WIPI2: variants seen among roughly 807,000 people sequenced by gnomAD.
WIPI2 encodes WD repeat domain, phosphoinositide interacting 2.
Under a neutral mutation model 52.3 loss-of-function variants are expected in WIPI2, and 28 were observed. The observed-to-expected ratio is 0.54, with a 90% CI of 0.40 to 0.73. WIPI2 has a LOEUF of 0.73. Ranked by LOEUF, WIPI2 falls within the 30% of genes least tolerant of loss-of-function variation. The pLI, the probability that WIPI2 is intolerant of heterozygous loss-of-function variation, is 0.00. For missense variants in WIPI2, 506 were observed against 602.9 expected, an observed-to-expected ratio of 0.84 and a Z score of 1.68; for synonymous variants, 268 against 245.0, an observed-to-expected ratio of 1.09 and a Z score of -0.88.
chr7:5,201,560 A>G (rs1782028145), intron 3 of WIPI2, among the ~76,000 whole-genome samples: 1 of 152,228 alleles, frequency 6.6e-6, no homozygotes, highest in African/African-American at 2.4e-5. Flanking sequence ...CCTGGCCAAC[A>G]TGGCAAAACC....
At chr7:5,212,977 C>T (rs1310127606) in intron 3 of WIPI2, 1 of 152,188 alleles carries the variant, frequency 6.6e-6, no homozygotes, top group Non-Finnish European at 1.5e-5. Flanking sequence ...GGTTATGCAC[C>T]ATCTCTTCTG....
intron 7 of WIPI2, among the ~76,000 whole-genome samples, chr7:5,219,451 AG>A (rs1160741063): frequency 4.5e-4 from 10 of 22,310 alleles, no homozygotes; most frequent in African/African-American, 1.7e-3. Flanking sequence ...CCATAAAAAT[AG>A]ATTTTTTTTT....
At chr7:5,219,052 G>A (rs906499295) in intron 7 of WIPI2, 3 of 152,270 alleles carry the variant, frequency 2.0e-5, no homozygotes, top group Admixed American at 6.5e-5. Context: ...CTGGGCCTTT[G>A]TTCTTCAGTC....
chr7:5,194,745 C>T (rs757048476), intron 2 of WIPI2, among the ~76,000 whole-genome samples: 8 of 152,100 alleles, frequency 5.3e-5, no homozygotes, highest in South Asian at 2.1e-4. Context: ...AGATTGCAGA[C>T]GCAAGCCACC....
intron 1 of WIPI2, chr7:5,190,860 C>G: frequency 5.5e-6 from 1 of 182,126 alleles, no homozygotes; most frequent in Non-Finnish European, 1.1e-5. Flanking sequence ...GTCGCTTCCT[C>G]TCCTCTCGTC....
At chr7:5,191,962 G>A (rs1468875996) in intron 1 of WIPI2, among the ~76,000 whole-genome samples, 3 of 152,106 alleles carry the variant, frequency 2.0e-5, no homozygotes, top group Non-Finnish European at 2.9e-5. Context: ...AAGCTGGTCT[G>A]GGTTTTGGAA....
chr7:5,208,484 T>A (rs1782399577), intron 3 of WIPI2, among the ~76,000 whole-genome samples: 1 of 151,978 alleles, frequency 6.6e-6, no homozygotes, highest in Admixed American at 6.6e-5. Flanking sequence ...AACTTTTGCC[T>A]ACCCTGTAGT....
chr7:5,231,995 A>G lies in WIPI2; in HGVS notation c.*1048A>G. On this transcript the variant is annotated 3_prime_UTR_variant, in exon 13 of 13. Transcript: ENST00000288828. ...AATTTCCTCAGCAAACCGATGAGAG[A>G]TTGTGGTTGCAAGCTTCAGTATTTG... The G allele has an allele frequency of 7.6e-6, 3 of 393,398 alleles. No individual in the cohort carries two copies. Among genetic ancestry groups the G allele is most frequent in the Non-Finnish European group, 1.3e-5 (3 of 224,304 alleles). 24.4% of individuals were successfully genotyped at this position (393,398 alleles called of 1,614,324 possible). A position where few individuals can be genotyped will look rare whatever the true frequency, so the allele number is the denominator to read the frequency against.
intron 5 of WIPI2, 67 bp downstream of exon 5, chr7:5,216,726 A>G (rs1782834334): frequency 1.3e-6 from 2 of 1,495,430 alleles, no homozygotes; most frequent in Non-Finnish European, 1.8e-6. Context: ...GCTATAGGTG[A>G]GAGAGATTTT....
intron 3 of WIPI2, among the ~76,000 whole-genome samples, chr7:5,213,589 C>T (rs1038152764): frequency 1.1e-4 from 17 of 152,236 alleles, no homozygotes; most frequent in Non-Finnish European, 2.4e-4. Flanking sequence ...CCACAGCATA[C>T]AGCCTAGGGG....
At chr7:5,216,199 G>GC (rs1782802771) in intron 4 of WIPI2, 1 of 148,282 alleles carries the variant, frequency 6.7e-6, no homozygotes, top group South Asian at 1.5e-4. Context: ...TGAAGCCAAC[G>GC]CAGGGGTGGA....
intron 8 of WIPI2, among the ~76,000 whole-genome samples, chr7:5,225,286 ACCCG>A (rs1783371932): frequency 2.6e-5 from 4 of 151,780 alleles, no homozygotes; most frequent in Non-Finnish European, 5.9e-5. Flanking sequence ...GACTACAGGC[ACCCG>A]CCACCACGCC....
intron 8 of WIPI2, among the ~76,000 whole-genome samples, chr7:5,224,466 T>C (rs1335056225): frequency 6.6e-6 from 1 of 152,208 alleles, no homozygotes; most frequent in Non-Finnish European, 1.5e-5. Flanking sequence ...AGATGGGAAT[T>C]GCAGTAGAGA....
At chr7:5,198,529 G>T (rs996526142) in intron 2 of WIPI2, among the ~76,000 whole-genome samples, 1 of 152,122 alleles carries the variant, frequency 6.6e-6, no homozygotes. Context: ...GGCCAGGCAG[G>T]TCTCAAATTC....
chr7:5,217,881 C>A, intron 6 of WIPI2, 41 bp from the exon 7 acceptor site: 3 of 1,605,460 alleles, frequency 1.9e-6, no homozygotes, highest in South Asian at 2.2e-5. Context: ...CGTGGGCGGT[C>A]ACTGTGCGGT....
intron 3 of WIPI2, among the ~76,000 whole-genome samples, chr7:5,211,702 C>A (rs1044405411): frequency 2.0e-5 from 3 of 152,144 alleles, no homozygotes; most frequent in Non-Finnish European, 2.9e-5. Context: ...TAATAAAAAA[C>A]CAGTTTTGTG....
In WIPI2 at chr7:5,232,196, G is replaced by A. The variant is rs1195548142; in HGVS notation, c.*1249G>A. The A allele has an allele frequency of 5.0e-6, 2 of 398,668 alleles. No homozygotes were observed. The highest frequency in any genetic ancestry group is 4.1e-5 in the African/African-American group (2 of 48,652). The allele number at this position is 398,668 out of a possible 1,614,324, so 24.7% of individuals were successfully genotyped here. ...AGTGGTGGAAGTTACGGATAGAAGG[G>A]AAAAGGCAAAAACTATTTACCCTGC... is the stretch of plus-strand genomic sequence containing the variant. On this transcript the variant is annotated 3_prime_UTR_variant, in exon 13 of 13. Transcript: ENST00000288828.
chr7:5,227,972 A>G lies in WIPI2; in HGVS notation c.1014-132A>G. The G allele has an allele frequency of 1.2e-6, 1 of 828,388 alleles. No homozygotes were observed. Among genetic ancestry groups the G allele is most frequent in the Non-Finnish European group, 2.0e-6 (1 of 500,106 alleles). 51.3% of individuals were successfully genotyped at this position (828,388 alleles called of 1,614,324 possible). On this transcript the variant is annotated intron_variant, in intron 10 of 12. Transcript: ENST00000288828. This position sits in a 1 kb window ranked among gnomAD's most constrained non-coding sequence, Gnocchi z 8.1. ...TGTGAGCCGAGGTCAGTGGGGCGCC[A>G]GACACCTGCAGCTGCCCTTGTGCTC...
In WIPI2 at chr7:5,206,998, C is replaced by G. The variant is rs538978207; in HGVS notation, c.211+7340C>G. On this transcript the variant is annotated intron_variant, in intron 3 of 12. Transcript: ENST00000288828. ...CTTGTTATGTTGTCCAGGCTAGTCT[C>G]AAACTCCTGGGCTCAAGTGATCCAC... Among the ~76,000 whole-genome samples the G allele has an allele frequency of 4.6e-5, 7 of 152,242 alleles. No homozygotes were observed. In the South Asian group the frequency reaches 8.3e-4, roughly 18 times the overall value.
Sources: allele counts gnomAD v4.1 joint callset (sites outside exome capture counted in the v4.1 genomes callset), GRCh38; gene constraint gnomAD v4.1.1; non-coding constraint Gnocchi (gnomAD v3.1); transcripts MANE v1.5; gene names NCBI Gene and HGNC (gene_info 2026-07-23, HGNC 2026-07-21).